The following LARGE1 variants were observed in gnomAD, a reference collection of about 807,000 sequenced individuals.
LARGE1 encodes LARGE xylosyl- and glucuronyltransferase 1, also known as xylosyl- and glucuronyltransferase LARGE1.
A neutral mutation model predicts 87.6 loss-of-function variants in LARGE1; 43 were observed. The ratio of observed to expected loss-of-function variants is 0.49; its 90% CI spans 0.38 to 0.63. The LOEUF is 0.63. Ranked by LOEUF, LARGE1 falls within the 30% of genes least tolerant of loss-of-function variation. The probability of loss-of-function intolerance (pLI) is 0.00; values close to 1 mark genes in which losing one functional copy is unlikely to be tolerated. For missense variants in LARGE1, 802 were observed against 1,000.2 expected (o/e 0.80, Z 2.67); for synonymous variants, 434 against 394.6 (o/e 1.10, Z -1.18).
the LARGE1 span, among the ~76,000 whole-genome samples, chr22:33,154,169 GA>G: frequency 0.012 from 1,707 of 139,606 alleles, 27 homozygotes; most frequent in African/African-American, 0.034. Context: ...TTGTTATATG[GA>G]AAAAAAAAAA....
the LARGE1 span, chr22:33,110,510 A>C: frequency 6.6e-6 from 1 of 152,268 alleles, no homozygotes; most frequent in Non-Finnish European, 1.5e-5. Context: ...CAGCCACCTC[A>C]CAAGAAGCTT....
chr22:33,818,204 C>T (rs948014976), intron 1 of LARGE1, among the ~76,000 whole-genome samples: 3 of 152,136 alleles, frequency 2.0e-5, no homozygotes, highest in Non-Finnish European at 4.4e-5. Context: ...CAGCTGTGCC[C>T]CCTCAAGTCA....
chr22:33,092,029 A>G, the LARGE1 span, among the ~76,000 whole-genome samples: 1 of 151,950 alleles, frequency 6.6e-6, no homozygotes, highest in African/African-American at 2.4e-5. Flanking sequence ...CCTCTTGAGT[A>G]GCTGGGATTA....
At chr22:33,611,254 G>C (rs1401845053) in intron 4 of LARGE1, among the ~76,000 whole-genome samples, 1 of 152,066 alleles carries the variant, frequency 6.6e-6, no homozygotes, top group Non-Finnish European at 1.5e-5. Flanking sequence ...GCACCTTTGT[G>C]CTTGGAAAAG....
chr22:33,761,076 T>A (rs2084712540), intron 2 of LARGE1, among the ~76,000 whole-genome samples: 1 of 152,028 alleles, frequency 6.6e-6, no homozygotes, highest in South Asian at 2.1e-4. Flanking sequence ...CTCAGTAATT[T>A]CTCCAGGGCC....
chr22:33,252,014 C>T (rs911161738), intron 11 of LARGE1, among the ~76,000 whole-genome samples: 7 of 152,156 alleles, frequency 4.6e-5, no homozygotes, highest in Non-Finnish European at 7.4e-5. Flanking sequence ...CTGGCAAAAG[C>T]AACAGAAAAG....
intron 11 of LARGE1, among the ~76,000 whole-genome samples, chr22:33,236,518 C>A (rs1000544887): frequency 6.6e-6 from 1 of 152,154 alleles, no homozygotes; most frequent in African/African-American, 2.4e-5. Flanking sequence ...GGAACATGAG[C>A]AAACCAACAT....
intron 1 of LARGE1, among the ~76,000 whole-genome samples, chr22:33,896,162 C>CT: frequency 6.6e-6 from 1 of 152,310 alleles, no homozygotes; most frequent in South Asian, 2.1e-4. Flanking sequence ...ACTGTAGGGA[C>CT]TTTACATAGG....
At chr22:33,793,882 A>G (rs778096756) in intron 1 of LARGE1, among the ~76,000 whole-genome samples, 6 of 152,160 alleles carry the variant, frequency 3.9e-5, no homozygotes, top group Non-Finnish European at 5.9e-5. Flanking sequence ...TTTCATGCAA[A>G]TGGATCTAAA....
At chr22:33,368,836 T>TA (rs35875693) in intron 9 of LARGE1, among the ~76,000 whole-genome samples, 2 of 152,268 alleles carry the variant, frequency 1.3e-5, no homozygotes, top group East Asian at 1.9e-4. Flanking sequence ...GCATTATGTC[T>TA]AAAAAAATAC....
At chr22:33,680,898 G>A (rs1004734852) in intron 2 of LARGE1, among the ~76,000 whole-genome samples, 3 of 151,964 alleles carry the variant, frequency 2.0e-5, no homozygotes, top group African/African-American at 7.2e-5. Flanking sequence ...TGTGTTAAAT[G>A]TGACAACCAT....
chr22:33,490,182 T>C (rs1389464084), intron 6 of LARGE1, among the ~76,000 whole-genome samples: 3 of 152,234 alleles, frequency 2.0e-5, no homozygotes, highest in Non-Finnish European at 2.9e-5. Flanking sequence ...ATCATATTTA[T>C]ATATTCGGGT....
intron 6 of LARGE1, among the ~76,000 whole-genome samples, chr22:33,541,311 G>A (rs1014418514): frequency 6.6e-5 from 10 of 151,858 alleles, no homozygotes; most frequent in Non-Finnish European, 1.2e-4. Context: ...TGACTTTTAT[G>A]TTTTAGCATA....
intron 1 of LARGE1, among the ~76,000 whole-genome samples, chr22:33,881,150 C>T (rs1248303959): frequency 6.6e-6 from 1 of 152,078 alleles, no homozygotes; most frequent in Admixed American, 6.5e-5. Flanking sequence ...GAGAGTCTGA[C>T]GTTCCAGATG....
chr22:33,421,171 C>T (rs577530768), intron 7 of LARGE1, among the ~76,000 whole-genome samples: 27 of 152,076 alleles, frequency 1.8e-4, no homozygotes, highest in African/African-American at 6.5e-4. Context: ...CCTTGGGCGA[C>T]AGAGTGAGCC....
In LARGE1 at chr22:33,313,000, GA is replaced by G. The variant is rs1198479505; in HGVS notation, c.1451+3084del. ...CTGAGAATTTTAGGGGTGACTCTGG[GA>G]CACCAGTTGGGTGTCCCTATGGAGA... On this transcript the variant is annotated intron_variant, in intron 11 of 14. Transcript: ENST00000397394. Among the ~76,000 whole-genome samples, 11 of 152,270 alleles carry G rather than the reference GA, an allele frequency of 7.2e-5. No homozygotes were observed. The East Asian group carries it at 1.9e-3, about 27-fold the overall frequency.
chr22:33,149,480 T>G, the LARGE1 span, among the ~76,000 whole-genome samples: 1 of 152,216 alleles, frequency 6.6e-6, no homozygotes, highest in African/African-American at 2.4e-5. Context: ...ATAAAGGTTT[T>G]CTCCTAAATA....
At chr22:33,425,967 C>T (rs570057582) in intron 7 of LARGE1, among the ~76,000 whole-genome samples, 2 of 152,158 alleles carry the variant, frequency 1.3e-5, no homozygotes, top group East Asian at 3.9e-4. Context: ...AGGATGGTCT[C>T]GATTTCCTGA....
intron 1 of LARGE1, among the ~76,000 whole-genome samples, chr22:33,895,727 T>C (rs1263183389): frequency 6.6e-6 from 1 of 152,202 alleles, no homozygotes; most frequent in Non-Finnish European, 1.5e-5. Context: ...AAGTTTGCTA[T>C]GAAGATGGGG....
Sources: gnomAD v4.1 joint callset for allele counts (sites outside exome capture counted in the v4.1 genomes callset) on GRCh38, gnomAD v4.1.1 for gene constraint, MANE v1.5 for transcripts, NCBI Gene and HGNC (gene_info 2026-07-23, HGNC 2026-07-21) for gene names.